PCDHA3: variants seen among roughly 807,000 people sequenced by gnomAD.
The protein encoded by PCDHA3 is protocadherin alpha-3.
PCDHA3 carries 41 observed loss-of-function variants against 62.2 expected under a neutral mutation model. The observed-to-expected ratio is 0.66, with a 90% CI of 0.51 to 0.86. The LOEUF (loss-of-function observed/expected upper bound fraction) is 0.86. PCDHA3 is among the 40% of genes least tolerant of loss of function. The probability of loss-of-function intolerance (pLI) is 0.00; values close to 1 mark genes in which losing one functional copy is unlikely to be tolerated. For synonymous variants in PCDHA3, 640 were observed against 555.4 expected (o/e 1.15, Z -2.14); for missense variants, 1,304 against 1,241.2 (o/e 1.05, Z -0.76).
At chr5:140,832,932 A>G (rs2150205265) in intron 1 of PCDHA3, among the ~76,000 whole-genome samples, 5 of 152,204 alleles carry the variant, frequency 3.3e-5, no homozygotes, top group Non-Finnish European at 7.4e-5. Flanking sequence ...ATTCATGAGA[A>G]GAGAGTAACT....
At chr5:140,850,528 C>T (rs1228882569) in intron 1 of PCDHA3, 1 of 1,598,306 alleles carries the variant, frequency 6.3e-7, no homozygotes, top group African/African-American at 1.3e-5. Context: ...GCGCCAAAGT[C>T]ATCGTCGCGG....
chr5:140,848,406 G>T lies in PCDHA3; in HGVS notation c.2394+44815G>T, dbSNP rs2150410052. On this transcript the variant is annotated intron_variant, in intron 1 of 3. Coordinates refer to ENST00000522353, the MANE Select transcript of PCDHA3 (RefSeq NM_018906.3). ...CACTCTCTCTGTGCTGAACGATGGCGAACACAGCAGAATGGGACTGACGAA... is the reference window on the plus strand; with the variant it reads ...CACTCTCTCTGTGCTGAACGATGGCTAACACAGCAGAATGGGACTGACGAA... The T allele has an allele frequency of 2.9e-3, 3,827 of 1,338,984 alleles. 272 individuals carry two copies. The African/African-American group carries it at 0.048, about 17-fold the overall frequency. The allele number at this position is 1,338,984 out of a possible 1,614,324, so 82.9% of individuals were successfully genotyped here. A position where few individuals can be genotyped will look rare whatever the true frequency, so the allele number is the denominator to read the frequency against.
At chr5:140,837,840 G>C (rs1775283148) in intron 1 of PCDHA3, among the ~76,000 whole-genome samples, 1 of 151,336 alleles carries the variant, frequency 6.6e-6, no homozygotes, top group African/African-American at 2.4e-5. Context: ...ATTGTGCCTG[G>C]CTAATTTTAT....
Position 140,997,511 on chromosome 5 carries a change from G to A in PCDHA3, c.2543-12116G>A, listed in dbSNP as rs565737825. Among the ~76,000 whole-genome samples, 79 of 152,108 alleles carry A rather than the reference G, an allele frequency of 5.2e-4. No individual in the cohort carries two copies. In the South Asian group the frequency reaches 1.0e-2, roughly 19 times the overall value. ...TTTGTGTATCTCAACATACCTAAACGCAGAAAAAGTACAATAAAAATACAT... is the reference window on the plus strand; with the variant it reads ...TTTGTGTATCTCAACATACCTAAACACAGAAAAAGTACAATAAAAATACAT... On this transcript the variant is annotated intron_variant, in intron 3 of 3. Transcript: ENST00000522353.
At chr5:140,809,110 C>G (rs1764367265) in intron 1 of PCDHA3, 2 of 1,613,872 alleles carry the variant, frequency 1.2e-6, no homozygotes, top group Admixed American at 1.7e-5. Context: ...ACGAAACGGA[C>G]GCTCCGCGCC....
At chr5:140,834,241 G>T (rs1440716193) in intron 1 of PCDHA3, 2 of 811,066 alleles carry the variant, frequency 2.5e-6, no homozygotes, top group Non-Finnish European at 1.9e-6. Flanking sequence ...ATTCCTTTTC[G>T]CACTGGAAAG....
intron 1 of PCDHA3, among the ~76,000 whole-genome samples, chr5:140,914,423 G>T (rs1293093692): frequency 3.3e-5 from 5 of 152,086 alleles, no homozygotes; most frequent in African/African-American, 1.2e-4. Context: ...CCATTAGCAA[G>T]GAATATCTTT....
chr5:140,839,939 G>T (rs1015505565), intron 1 of PCDHA3, among the ~76,000 whole-genome samples: 3 of 151,962 alleles, frequency 2.0e-5, no homozygotes, highest in Non-Finnish European at 4.4e-5. Context: ...AGTGTGCCAA[G>T]AAGGAGACAA....
chr5:140,950,723 A>AT (rs1196047674), intron 1 of PCDHA3, among the ~76,000 whole-genome samples: 72 of 152,102 alleles, frequency 4.7e-4, no homozygotes, highest in African/African-American at 1.6e-3. Flanking sequence ...ATATCCTTAA[A>AT]TTTTTTAATC....
rs782755765 is a variant in PCDHA3, at chr5:140,869,235, C to T, written c.2394+65644C>T. On this transcript the variant is annotated intron_variant, in intron 1 of 3. Coordinates refer to ENST00000522353, the MANE Select transcript of PCDHA3 (RefSeq NM_018906.3). ...CGGAGGAGGCCAAACACGGCACCTT[C>T]GTGGGCCGCATCGCGCAGGACCTGG... is the stretch of plus-strand genomic sequence containing the variant. 1.2e-5 allele frequency: 19 copies of T among 1,613,568 alleles called. No homozygotes were observed. The South Asian group carries it at 1.5e-4, about 13-fold the overall frequency.
At chr5:140,837,628 CCTTCCTTT>C (rs1289092091) in intron 1 of PCDHA3, among the ~76,000 whole-genome samples, 3 of 149,330 alleles carry the variant, frequency 2.0e-5, no homozygotes, top group African/African-American at 7.7e-5. Context: ...TTCCTTCCTT[CCTTCCTTT>C]CTTTCTTTCT....
At chr5:140,941,219 C>CTTTCTTTCTT (rs1563186292) in intron 1 of PCDHA3, among the ~76,000 whole-genome samples, 18 of 125,974 alleles carry the variant, frequency 1.4e-4, no homozygotes, top group African/African-American at 4.5e-4. Context: ...TTCTTCCTTT[C>CTTTCTTTCTT]TTTCTTTCTT....
intron 1 of PCDHA3, chr5:140,968,651 GA>G: frequency 6.2e-7 from 1 of 1,614,154 alleles, no homozygotes; most frequent in Non-Finnish European, 8.5e-7. Flanking sequence ...CCAGACTTCT[GA>G]CCTGGACCTC....
Position 141,010,074 on chromosome 5 carries a change from G to C in PCDHA3, c.*137G>C. 6.2e-7 allele frequency: 1 copy of C among 1,607,844 alleles called. No homozygotes were observed. Among genetic ancestry groups the C allele is most frequent in the Non-Finnish European group, 8.5e-7 (1 of 1,176,754 alleles). On this transcript the variant is annotated 3_prime_UTR_variant, in exon 4 of 4. Transcript: ENST00000522353. ...CTCAGAAATCTGCAGAAAGTTCCCT[G>C]TGTCTGTCTAGAACGCATTTAACAG...
intron 1 of PCDHA3, among the ~76,000 whole-genome samples, chr5:140,960,552 A>T (rs1269039449): frequency 6.6e-6 from 1 of 152,162 alleles, no homozygotes; most frequent in Non-Finnish European, 1.5e-5. Flanking sequence ...CTTCATATAG[A>T]CTGAGCTTAG....
chr5:140,870,426 C>A (rs574302735), intron 1 of PCDHA3: 1 of 1,614,090 alleles, frequency 6.2e-7, no homozygotes, highest in Non-Finnish European at 8.5e-7. Context: ...CCAGGGTATC[C>A]GTGGAGGTGG....
At chr5:140,945,488 C>T (rs1362622912) in intron 1 of PCDHA3, among the ~76,000 whole-genome samples, 1 of 151,910 alleles carries the variant, frequency 6.6e-6, no homozygotes, top group Non-Finnish European at 1.5e-5. Flanking sequence ...ACCCCAAATA[C>T]CCAAAGCAAT....
chr5:140,871,287 G>C (rs782751803), intron 1 of PCDHA3: 2 of 1,613,932 alleles, frequency 1.2e-6, no homozygotes, highest in Middle Eastern at 1.7e-4. Context: ...CGCCCACTGA[G>C]GGCGCGTGCG....
At chr5:140,992,918 A>C (rs1362238628) in intron 3 of PCDHA3, among the ~76,000 whole-genome samples, 2 of 152,186 alleles carry the variant, frequency 1.3e-5, no homozygotes, top group Non-Finnish European at 2.9e-5. Context: ...GGCCCTCTCC[A>C]TACTTACAGC....
Sources: allele counts gnomAD v4.1 joint callset (sites outside exome capture counted in the v4.1 genomes callset), GRCh38; gene constraint gnomAD v4.1.1; transcripts MANE v1.5; gene names NCBI Gene and HGNC (gene_info 2026-07-23, HGNC 2026-07-21).